The following HOMEZ variants were observed in gnomAD, a reference collection of about 807,000 sequenced individuals.
The protein encoded by HOMEZ is homeobox and leucine zipper encoding.
In HOMEZ, 20 loss-of-function variants were observed where a neutral mutation model predicts 50.1. The ratio of observed to expected loss-of-function variants is 0.40; its 90% CI spans 0.28 to 0.58. The LOEUF (loss-of-function observed/expected upper bound fraction) is 0.58. HOMEZ is among the 20% of genes least tolerant of loss of function. HOMEZ has a pLI of 0.46. For synonymous variants in HOMEZ, 239 were observed against 254.7 expected, an observed-to-expected ratio of 0.94 and a Z score of 0.59; for missense variants, 579 against 680.5, an observed-to-expected ratio of 0.85 and a Z score of 1.66.
chr14:23,284,696 G>A (rs982936603), intron 1 of HOMEZ, among the ~76,000 whole-genome samples: 27 of 152,196 alleles, frequency 1.8e-4, no homozygotes, highest in African/African-American at 6.3e-4. Flanking sequence ...GAGACATAAC[G>A]CAAGGAAGAG....
rs753365310 is a variant in HOMEZ at position 23,275,850 on chromosome 14, G to C, written c.1378C>G (p.Pro460Ala). Residue 460 changes from proline (P) to alanine (A), a missense_variant, in exon 2 of 2, where the codon CCA (proline) becomes GCA (alanine). By Grantham distance (27) the Pro-to-Ala change is conservative (BLOSUM62 -1). Coordinates refer to ENST00000357460, the MANE Select transcript of HOMEZ (RefSeq NM_020834.3). The stretch of plus-strand genomic sequence containing the variant: ...CTCTCCAAGGGTTGTATATCCGGTG[G>C]GGGTGGAGGGATCGGCAGAGGTGGT... ...ETPPLPIPPPPPDIQPLERYW... is the reference protein window; with the variant it reads ...ETPPLPIPPPAPDIQPLERYW... 6 of 1,598,444 alleles carry C rather than the reference G, an allele frequency of 3.8e-6. No homozygotes were observed. The highest frequency in any genetic ancestry group is 1.7e-4 in the Middle Eastern group (1 of 5,990).
In HOMEZ at chr14:23,276,789, G is replaced by C; in HGVS notation, c.439C>G (p.Arg147Gly). 1 of 1,614,050 alleles carries C rather than the reference G, an allele frequency of 6.2e-7. No individual in the cohort carries two copies. The highest frequency in any genetic ancestry group is 8.5e-7 in the Non-Finnish European group (1 of 1,179,904). The change falls in exon 2 of 2, where the codon CGG becomes GGG. Residue 147 changes from arginine (R) to glycine (G), a missense_variant. By Grantham distance (125) the Arg-to-Gly change is moderately radical (BLOSUM62 -2). Transcript: ENST00000357460. The surrounding 1 kb of genome is among the most constrained non-coding windows in gnomAD (Gnocchi z 4.1). ...SLLSFTHHAG[R>G]PPEEVPPPPV... ...GGAGGAGGCACCTCCTCTGGGGGCC[G>C]TCCCGCATGATGAGTAAAAGAGAGA... is the stretch of plus-strand genomic sequence containing the variant.
intron 1 of HOMEZ, among the ~76,000 whole-genome samples, chr14:23,280,679 G>GTA (rs1555323466): frequency 1.5e-5 from 2 of 133,868 alleles, no homozygotes; most frequent in Non-Finnish European, 3.3e-5. Context: ...AATCACATCT[G>GTA]TTATATTTTA....
At chr14:23,284,776 A>G (rs1320475890) in intron 1 of HOMEZ, among the ~76,000 whole-genome samples, 2 of 152,190 alleles carry the variant, frequency 1.3e-5, no homozygotes, top group Non-Finnish European at 2.9e-5. Context: ...GTGGGACTTA[A>G]TCTCAAAAGT....
In HOMEZ at chr14:23,286,001, G is replaced by A. The variant is rs1886655965; in HGVS notation, c.-49C>T. 3.2e-6 allele frequency: 4 copies of A among 1,234,472 alleles called. No individual in the cohort carries two copies. The highest frequency in any genetic ancestry group is 4.1e-6 in the Non-Finnish European group (4 of 985,626). 76.5% of individuals were successfully genotyped at this position (1,234,472 alleles called of 1,614,324 possible). A position where few individuals can be genotyped will look rare whatever the true frequency, so the allele number is the denominator to read the frequency against. ...GGGCAGGGGGCCTCCGAGTGGGAGT[G>A]GGGTTGCTGCCCGGTGCGGCCGCTC... On this transcript the variant is annotated 5_prime_UTR_variant, in exon 1 of 2. Transcript: ENST00000357460.
chr14:23,280,503 A>G (rs961076306), intron 1 of HOMEZ, among the ~76,000 whole-genome samples: 1 of 151,944 alleles, frequency 6.6e-6, no homozygotes, highest in Non-Finnish European at 1.5e-5. Flanking sequence ...CACTGCTCCC[A>G]GGATTATGGG....
Position 23,277,088 on chromosome 14 carries a change from A to C in HOMEZ, c.140T>G (p.Ile47Ser). Reference sequence around the variant, plus strand: ...CCACACAAGCTGTAGCTCCTCAGAGATTGGAGGGAGGCAGATGAGCCCCGC... The same window carrying C: ...CCACACAAGCTGTAGCTCCTCAGAGCTTGGAGGGAGGCAGATGAGCCCCGC... ...SPAGLICLPP[I>S]SEELQLVWTQ... Residue 47 changes from isoleucine (I) to serine (S), a missense_variant, in exon 2 of 2, where the codon ATC (isoleucine) becomes AGC (serine). Coordinates refer to ENST00000357460, the MANE Select transcript of HOMEZ (RefSeq NM_020834.3). The C allele has an allele frequency of 6.2e-7, 1 of 1,613,956 alleles. No homozygotes were observed. The highest frequency in any genetic ancestry group is 1.1e-5 in the South Asian group (1 of 91,084).
chr14:23,283,634 C>G (rs1180113107), intron 1 of HOMEZ, among the ~76,000 whole-genome samples: 3 of 152,188 alleles, frequency 2.0e-5, no homozygotes, highest in Non-Finnish European at 4.4e-5. Context: ...ATGGCTCACG[C>G]CTGTAGTCCC....
At chr14:23,280,710 T>TTTTATTTTTGTA (rs1555323548) in intron 1 of HOMEZ, among the ~76,000 whole-genome samples, 5 of 62,102 alleles carry the variant, frequency 8.1e-5, no homozygotes, top group Non-Finnish European at 7.0e-5. Context: ...TATATTTTTA[T>TTTTATTTTTGTA]TTTTATTTTA....
chr14:23,281,075 C>T (rs552225071), intron 1 of HOMEZ, among the ~76,000 whole-genome samples: 1 of 151,976 alleles, frequency 6.6e-6, no homozygotes, highest in African/African-American at 2.4e-5. Context: ...AGCCTTCTAT[C>T]TGTGTTTTTA....
Position 23,275,327 on chromosome 14 carries a change from C to A in HOMEZ, c.*248G>T. 3 of 517,070 alleles carry A rather than the reference C, an allele frequency of 5.8e-6. No individual in the cohort carries two copies. The highest frequency in any genetic ancestry group is 1.0e-5 in the Non-Finnish European group (3 of 296,112). 32.0% of individuals were successfully genotyped at this position (517,070 alleles called of 1,614,324 possible). The stretch of plus-strand genomic sequence containing the variant: ...TTCCCAGCCCATGGTTTCCCCAGAT[C>A]CTTAGCACTCCCTACCCTAAGGTTA... On this transcript the variant is annotated 3_prime_UTR_variant, in exon 2 of 2. Transcript: ENST00000357460.
rs780491384 is a variant in HOMEZ at position 23,276,793 on chromosome 14, C to T, written c.435G>A (p.Ala145=). 8.1e-6 allele frequency: 13 copies of T among 1,614,036 alleles called. No individual in the cohort carries two copies. Among genetic ancestry groups the T allele is most frequent in the East Asian group, 2.2e-5 (1 of 44,890 alleles). ...GAGGCACCTCCTCTGGGGGCCGTCC[C>T]GCATGATGAGTAAAAGAGAGAAGGG... ...FKSLLSFTHH[A]GRPPEEVPPP... is the part of the protein sequence containing the mutation. The change falls in exon 2 of 2, where the codon GCG becomes GCA. Residue 145 remains alanine (A), a synonymous_variant. Coordinates refer to ENST00000357460, the MANE Select transcript of HOMEZ (RefSeq NM_020834.3). This position sits in a 1 kb window ranked among gnomAD's most constrained non-coding sequence, Gnocchi z 4.1.
chr14:23,280,740 A>ATTTTATTTTAATTTTATTTTATT (rs35341745), intron 1 of HOMEZ, among the ~76,000 whole-genome samples: 2 of 41,266 alleles, frequency 4.8e-5, no homozygotes, highest in African/African-American at 1.6e-4. Context: ...ATTTTATTTT[A>ATTTTATTTTAATTTTATTTTATT]TTATTTTATT....
Position 23,277,078 on chromosome 14 carries a change from C to T in HOMEZ, c.150G>A (p.Glu50=). 4 of 1,614,030 alleles carry T rather than the reference C, an allele frequency of 2.5e-6. No homozygotes were observed. The highest frequency in any genetic ancestry group is 3.4e-6 in the Non-Finnish European group (4 of 1,179,898). ...GLICLPPISE[E]LQLVWTQAAQ... is the part of the protein sequence containing the mutation. Reference sequence around the variant, plus strand: ...CTGCTTGCGTCCACACAAGCTGTAGCTCCTCAGAGATTGGAGGGAGGCAGA... The same window carrying T: ...CTGCTTGCGTCCACACAAGCTGTAGTTCCTCAGAGATTGGAGGGAGGCAGA... Residue 50 remains glutamate (E), a synonymous_variant, in exon 2 of 2, where the codon GAG becomes GAA. Transcript: ENST00000357460.
At chr14:23,284,368 T>TG (rs1886617801) in intron 1 of HOMEZ, among the ~76,000 whole-genome samples, 1 of 152,140 alleles carries the variant, frequency 6.6e-6, no homozygotes. Flanking sequence ...AAGGGAGGGA[T>TG]GCTCAACTGG....
At chr14:23,280,729 T>C (rs568750345) in intron 1 of HOMEZ, among the ~76,000 whole-genome samples, 15 of 68,064 alleles carry the variant, frequency 2.2e-4, no homozygotes, top group Non-Finnish European at 3.8e-4. Flanking sequence ...TATTTTATTT[T>C]ATTTTATTTT....
chr14:23,276,478 G>A lies in HOMEZ; in HGVS notation c.750C>T (p.His250=), dbSNP rs780715174. The part of the protein sequence containing the change: ...SHGIGTASWN[H]STTVPQPQAR... ...CTTGTGGCTGGGGGACGGTTGTGGA[G>A]TGGTTCCAGGAAGCAGTACCTATGC... Residue 250 remains histidine, a synonymous_variant, in exon 2 of 2, where the codon CAC becomes CAT. Coordinates refer to ENST00000357460, the MANE Select transcript of HOMEZ (RefSeq NM_020834.3). This position sits in a 1 kb window ranked among gnomAD's most constrained non-coding sequence, Gnocchi z 4.1. 2.5e-6 allele frequency: 4 copies of A among 1,614,068 alleles called. No individual in the cohort carries two copies. The highest frequency in any genetic ancestry group is 2.5e-6 in the Non-Finnish European group (3 of 1,179,906).
At position 23,272,754 on chromosome 14, in the gene HOMEZ, T is replaced by A; in HGVS notation, c.*2821A>T. 1.1e-6 allele frequency: 1 copy of A among 938,406 alleles called. No homozygotes were observed. The highest frequency in any genetic ancestry group is 2.6e-5 in the East Asian group (1 of 38,164). 58.1% of individuals were successfully genotyped at this position (938,406 alleles called of 1,614,324 possible). The stretch of plus-strand genomic sequence containing the variant: ...GTCTCGATAAGCTTCATACAACAGG[T>A]CAGAGAGACTTGCTTGCCCTTTTTG... On this transcript the variant is annotated 3_prime_UTR_variant, in exon 2 of 2. Coordinates refer to ENST00000357460, the MANE Select transcript of HOMEZ (RefSeq NM_020834.3).
intron 1 of HOMEZ, among the ~76,000 whole-genome samples, chr14:23,278,960 G>C (rs1219623774): frequency 6.6e-6 from 1 of 151,444 alleles, no homozygotes; most frequent in East Asian, 1.9e-4. Flanking sequence ...ACAGGCGTGA[G>C]CCACGGCGCC....
Sources: allele counts gnomAD v4.1 joint callset (sites outside exome capture counted in the v4.1 genomes callset), GRCh38; gene constraint gnomAD v4.1.1; non-coding constraint Gnocchi (gnomAD v3.1); transcripts MANE v1.5; gene names NCBI Gene and HGNC (gene_info 2026-07-23, HGNC 2026-07-21).